The following JADE3 variants were observed in gnomAD, a reference collection of about 807,000 sequenced individuals.
The protein encoded by JADE3 is jade family PHD finger 3.
In JADE3, 2 loss-of-function variants were observed where a neutral mutation model predicts 50.1. The ratio of observed to expected loss-of-function variants is 0.04; its 90% CI spans 0.02 to 0.13. JADE3 has a LOEUF of 0.13. Ranked by LOEUF, JADE3 falls within the 10% of genes least tolerant of loss-of-function variation. The pLI is 1.00. For synonymous variants in JADE3, 218 were observed against 232.9 expected (o/e 0.94, Z 0.58); for missense variants, 475 against 634.4 (o/e 0.75, Z 2.70).
chrX:47,016,652 T>C (rs1001479013), intron 4 of JADE3, among the ~76,000 whole-genome samples: 15 of 110,896 alleles, frequency 1.4e-4, no homozygotes, highest in Middle Eastern at 4.6e-3. Flanking sequence ...GTGGCCGTCT[T>C]TGATCTACCA....
At chrX:47,026,121 A>G (rs1277831512) in intron 5 of JADE3, among the ~76,000 whole-genome samples, 1 of 111,577 alleles carries the variant, frequency 9.0e-6, no homozygotes, top group African/African-American at 3.3e-5. Context: ...CTGACAGAGA[A>G]GTAAAATCAG....
intron 8 of JADE3, among the ~76,000 whole-genome samples, chrX:47,040,212 C>T (rs928530618): frequency 8.9e-6 from 1 of 111,926 alleles, no homozygotes; most frequent in Non-Finnish European, 1.9e-5. Context: ...ATTTGCCTGC[C>T]GACCTTCTTT....
chrX:47,021,820 A>T (rs964427056), intron 4 of JADE3, among the ~76,000 whole-genome samples: 1 of 112,089 alleles, frequency 8.9e-6, no homozygotes, highest in Admixed American at 9.5e-5. Flanking sequence ...AGAGTTTATT[A>T]TATATTGTAG....
At chrX:46,965,938 G>A (rs1927356135) in intron 1 of JADE3, among the ~76,000 whole-genome samples, 1 of 112,072 alleles carries the variant, frequency 8.9e-6, no homozygotes, top group South Asian at 3.7e-4. Flanking sequence ...TCTGGCAGTT[G>A]GGTGGAGGGT....
At chrX:47,041,579 C>T (rs886619762) in intron 8 of JADE3, among the ~76,000 whole-genome samples, 9 of 111,004 alleles carry the variant, frequency 8.1e-5, no homozygotes, top group Admixed American at 7.7e-4. Context: ...GACAGGATTT[C>T]GCTGTGTTGT....
chrX:46,984,228 CAG>C (rs782164980), intron 1 of JADE3, among the ~76,000 whole-genome samples: 12 of 112,298 alleles, frequency 1.1e-4, no homozygotes, highest in African/African-American at 3.9e-4. Flanking sequence ...TGGCCATACT[CAG>C]GGAAGTACAC....
At chrX:47,032,711 C>G (rs1343661065) in intron 6 of JADE3, among the ~76,000 whole-genome samples, 3 of 110,839 alleles carry the variant, frequency 2.7e-5, no homozygotes, top group African/African-American at 9.9e-5. Flanking sequence ...GAATTTGGAT[C>G]TGGAAGATAG....
At chrX:47,023,020 C>T (rs782011538) in intron 4 of JADE3, among the ~76,000 whole-genome samples, 1 of 111,086 alleles carries the variant, frequency 9.0e-6, no homozygotes, top group African/African-American at 3.3e-5. Flanking sequence ...ATAACAATGA[C>T]GTTATTGAGC....
intron 4 of JADE3, among the ~76,000 whole-genome samples, chrX:46,999,425 C>CATATATAGCATATATATAT: frequency 1.0e-5 from 1 of 99,227 alleles, no homozygotes; most frequent in South Asian, 4.5e-4. Context: ...CATATATATA[C>CATATATAGCATATATATAT]ATATATAACA....
At chrX:46,912,417 G>C (rs1284949949), upstream of JADE3, 1 of 112,037 alleles carries the variant, frequency 8.9e-6, no homozygotes, top group African/African-American at 3.2e-5. Flanking sequence ...GAGCGTGGGA[G>C]CGCACAGTGT....
At chrX:46,917,164 A>G (rs1205178153) in intron 1 of JADE3, among the ~76,000 whole-genome samples, 4 of 98,962 alleles carry the variant, frequency 4.0e-5, no homozygotes, top group Non-Finnish European at 7.9e-5. Context: ...ATTTCATCTT[A>G]CTCTACAAAA....
At chrX:47,006,343 G>T (rs1928418517) in intron 4 of JADE3, among the ~76,000 whole-genome samples, 1 of 110,493 alleles carries the variant, frequency 9.1e-6, no homozygotes, top group Non-Finnish European at 1.9e-5. Flanking sequence ...GAGTACAGTG[G>T]CATGATCACA....
intron 4 of JADE3, among the ~76,000 whole-genome samples, chrX:47,024,001 G>A (rs956767429): frequency 1.1e-4 from 12 of 112,716 alleles, no homozygotes; most frequent in Non-Finnish European, 1.5e-4. Flanking sequence ...TGAGACTAAA[G>A]CTTGTTTTCT....
chrX:47,039,244 A>G (rs1167795938), intron 8 of JADE3, among the ~76,000 whole-genome samples, 179 bp downstream of exon 8: 1 of 111,465 alleles, frequency 9.0e-6, no homozygotes, highest in African/African-American at 3.3e-5. Flanking sequence ...CCTCTGGACC[A>G]TTCAGCTTAT....
At position 46,955,076 on chromosome X, in the gene JADE3, T is replaced by G. The variant is rs144991066; in HGVS notation, c.-11-29808T>G. On this transcript the variant is annotated intron_variant, in intron 1 of 10. Coordinates refer to ENST00000614628, the MANE Select transcript of JADE3 (RefSeq NM_014735.5). Reference sequence around the variant, plus strand: ...TTTACTCCTATTGAAATCCCTTATCTTCTTGGCTGGGAGCAGGGTAGCAGC... The same window carrying G: ...TTTACTCCTATTGAAATCCCTTATCGTCTTGGCTGGGAGCAGGGTAGCAGC... 5.0e-3 allele frequency among the ~76,000 whole-genome samples: 565 copies of G among 112,732 alleles called. 3 individuals carry two copies. Among genetic ancestry groups the G allele is most frequent in the Non-Finnish European group, 5.6e-3 (299 of 53,355 alleles).
rs1556374132 is a variant in JADE3, at chrX:47,058,741, T to C, written c.2136T>C (p.Phe712=). ...TTAGAAAATCCACTGTAGAACACTT[T>C]AGTAGGTCCTTTAAAGAGACCACCA... is the stretch of plus-strand genomic sequence containing the variant. ...GSFRKSTVEH[F]SRSFKETTNR... Residue 712 remains phenylalanine (F), a synonymous_variant, in exon 11 of 11, where the codon TTT becomes TTC. Transcript: ENST00000614628. 8.3e-7 allele frequency: 1 copy of C among 1,208,196 alleles called. No homozygotes were observed. Among genetic ancestry groups the C allele is most frequent in the African/African-American group, 1.8e-5 (1 of 57,060 alleles).
At chrX:47,012,456 C>A (rs1400978712) in intron 4 of JADE3, among the ~76,000 whole-genome samples, 1 of 110,588 alleles carries the variant, frequency 9.0e-6, no homozygotes, top group East Asian at 2.8e-4. Context: ...TGGCGCATAC[C>A]TATAGTCCCA....
intron 1 of JADE3, among the ~76,000 whole-genome samples, chrX:46,929,746 TAGC>T (rs1300515966): frequency 8.9e-6 from 1 of 111,980 alleles, no homozygotes; most frequent in Non-Finnish European, 1.9e-5. Context: ...TACTTTTCTC[TAGC>T]CACTCTGTCC....
chrX:46,988,638 C>T (rs1556355199), intron 3 of JADE3, among the ~76,000 whole-genome samples: 1 of 110,812 alleles, frequency 9.0e-6, no homozygotes, highest in African/African-American at 3.3e-5. Flanking sequence ...GGCTGGGAAC[C>T]CAGGCAGCAA....
Sources: allele counts gnomAD v4.1 joint callset (sites outside exome capture counted in the v4.1 genomes callset), GRCh38; gene constraint gnomAD v4.1.1; transcripts MANE v1.5; gene names NCBI Gene and HGNC (gene_info 2026-07-23, HGNC 2026-07-21).